The following ADGRA3 variants were observed in gnomAD, a reference collection of about 807,000 sequenced individuals.
ADGRA3 encodes the protein adhesion G protein-coupled receptor A3.
In ADGRA3, 56 loss-of-function variants were observed where a neutral mutation model predicts 119.8. The ratio of observed to expected loss-of-function variants is 0.47; its 90% CI spans 0.38 to 0.58. The LOEUF is 0.58. Ranked by LOEUF, ADGRA3 falls within the 20% of genes least tolerant of loss-of-function variation. The probability of loss-of-function intolerance (pLI) is 0.00; values close to 1 mark genes in which losing one functional copy is unlikely to be tolerated. For missense variants in ADGRA3, 1,516 were observed against 1,649.0 expected, an observed-to-expected ratio of 0.92 and a Z score of 1.40; for synonymous variants, 607 against 623.8, an observed-to-expected ratio of 0.97 and a Z score of 0.40.
At chr4:22,409,239 T>C (rs1715085569) in intron 14 of ADGRA3, among the ~76,000 whole-genome samples, 1 of 152,172 alleles carries the variant, frequency 6.6e-6, no homozygotes, top group Non-Finnish European at 1.5e-5. Flanking sequence ...GTCCCTTTGA[T>C]TATCAATTCC....
chr4:22,408,914 A>G (rs774357211), intron 14 of ADGRA3, among the ~76,000 whole-genome samples: 21 of 152,212 alleles, frequency 1.4e-4, no homozygotes, highest in Non-Finnish European at 2.8e-4. Context: ...GATACAATGG[A>G]CTGCTACACT....
chr4:22,484,863 T>C (rs1242266393), intron 1 of ADGRA3, among the ~76,000 whole-genome samples: 1 of 151,766 alleles, frequency 6.6e-6, no homozygotes, highest in Non-Finnish European at 1.5e-5. Flanking sequence ...CAAAGAATTG[T>C]TTAGGCTGCC....
chr4:22,512,965 T>G (rs1014899535), intron 1 of ADGRA3, among the ~76,000 whole-genome samples: 2 of 152,090 alleles, frequency 1.3e-5, no homozygotes, highest in African/African-American at 2.4e-5. Flanking sequence ...GCATCTGAAC[T>G]GCAGGACAGG....
intron 1 of ADGRA3, among the ~76,000 whole-genome samples, chr4:22,506,002 C>T (rs1382384226): frequency 6.6e-6 from 1 of 152,114 alleles, no homozygotes; most frequent in Non-Finnish European, 1.5e-5. Flanking sequence ...ATCAAGAATG[C>T]AACTGGAGAA....
At chr4:22,451,274 G>C (rs982006035) in intron 4 of ADGRA3, among the ~76,000 whole-genome samples, 5 of 151,958 alleles carry the variant, frequency 3.3e-5, no homozygotes, top group African/African-American at 1.2e-4. Context: ...TGATCATAAA[G>C]AACAATTTGA....
chr4:22,415,214 T>G (rs1287493272), intron 12 of ADGRA3, among the ~76,000 whole-genome samples: 1 of 152,188 alleles, frequency 6.6e-6, no homozygotes, highest in African/African-American at 2.4e-5. Context: ...AATAATCCAC[T>G]GTTTGTGAAA....
chr4:22,439,332 C>G (rs1716518548), intron 7 of ADGRA3, among the ~76,000 whole-genome samples: 1 of 152,080 alleles, frequency 6.6e-6, no homozygotes, highest in African/African-American at 2.4e-5. Context: ...GTCAGTAAAT[C>G]CAATTTCCAA....
intron 9 of ADGRA3, 122 bp downstream of exon 9, chr4:22,436,318 A>C: frequency 1.4e-6 from 1 of 713,742 alleles, no homozygotes; most frequent in Non-Finnish European, 2.3e-6. Flanking sequence ...AAGTCAACTA[A>C]AGTAAAAACA....
At chr4:22,487,004 G>A (rs566581047) in intron 1 of ADGRA3, among the ~76,000 whole-genome samples, 16 of 151,906 alleles carry the variant, frequency 1.1e-4, no homozygotes, top group Admixed American at 2.0e-4. Flanking sequence ...GATAGTGGAC[G>A]TTTTCATTAT....
rs1159226684 is a variant in ADGRA3 at position 22,438,403 on chromosome 4, T to C, written c.938A>G (p.Asn313Ser). Reference sequence around the variant, plus strand: ...ATTTCCAGTAGATCCAGCCTGAATATTAGAAATGGTTAGGGCACTGCATAA... The same window carrying C: ...ATTTCCAGTAGATCCAGCCTGAATACTAGAAATGGTTAGGGCACTGCATAA... ...SLIASALTIS[N>S]IQAGSTGNWG... Residue 313 changes from asparagine (N) to serine (S), a missense_variant, in exon 8 of 19, where the codon AAT becomes AGT. Asn to Ser is a conservative substitution (Grantham distance 46). Coordinates refer to ENST00000334304, the MANE Select transcript of ADGRA3 (RefSeq NM_145290.4). 2 of 1,613,690 alleles carry C rather than the reference T, an allele frequency of 1.2e-6. No individual in the cohort carries two copies. Among genetic ancestry groups the C allele is most frequent in the Non-Finnish European group, 8.5e-7 (1 of 1,179,760 alleles).
chr4:22,435,550 CA>C, intron 9 of ADGRA3, 84 bp from the exon 10 acceptor site: 1 of 1,205,164 alleles, frequency 8.3e-7, no homozygotes, highest in Non-Finnish European at 1.2e-6. Context: ...CTTTGCATTT[CA>C]AAACAGCAAC....
chr4:22,392,064 G>A (rs1714155607), intron 17 of ADGRA3, among the ~76,000 whole-genome samples: 1 of 152,122 alleles, frequency 6.6e-6, no homozygotes. Context: ...CAACAAGCTT[G>A]GTCATCACTG....
intron 5 of ADGRA3, among the ~76,000 whole-genome samples, chr4:22,446,586 G>A (rs1310172458): frequency 6.6e-6 from 1 of 152,110 alleles, no homozygotes; most frequent in African/African-American, 2.4e-5. Flanking sequence ...TGAGGAGCTG[G>A]TTGGGGCTCC....
chr4:22,460,384 C>T (rs1024437950), intron 3 of ADGRA3, among the ~76,000 whole-genome samples: 4 of 152,188 alleles, frequency 2.6e-5, no homozygotes, highest in African/African-American at 7.2e-5. Flanking sequence ...AAAAGCAGGA[C>T]ATAAATTTAC....
intron 1 of ADGRA3, among the ~76,000 whole-genome samples, chr4:22,482,491 TAAAA>T (rs34275951): frequency 1.4e-5 from 2 of 143,480 alleles, no homozygotes; most frequent in African/African-American, 2.6e-5. Context: ...CCCCAACTCT[TAAAA>T]AAAAAAAAAA....
At chr4:22,390,344 CATATTA>C (rs1714068930) in intron 17 of ADGRA3, among the ~76,000 whole-genome samples, 1 of 90,860 alleles carries the variant, frequency 1.1e-5, no homozygotes, top group Non-Finnish European at 2.0e-5. Context: ...ATATAAAATA[CATATTA>C]TATATATATA....
intron 1 of ADGRA3, among the ~76,000 whole-genome samples, chr4:22,509,504 A>G (rs1389279141): frequency 1.3e-5 from 2 of 149,424 alleles, no homozygotes; most frequent in African/African-American, 5.0e-5. Flanking sequence ...CTCCATCTCA[A>G]AAAAAAAGAA....
intron 1 of ADGRA3, among the ~76,000 whole-genome samples, chr4:22,501,920 T>C (rs1307696050): frequency 4.7e-5 from 2 of 42,138 alleles, no homozygotes; most frequent in Non-Finnish European, 8.4e-5. Context: ...AACTCGAATG[T>C]GTAATTTTTT....
intron 9 of ADGRA3, among the ~76,000 whole-genome samples, chr4:22,435,999 C>T (rs113772954): frequency 1.6e-4 from 24 of 152,066 alleles, no homozygotes; most frequent in Non-Finnish European, 2.8e-4. Context: ...AAATACATTA[C>T]ACAAAAGCCA....
Sources: gnomAD v4.1 joint callset for allele counts (sites outside exome capture counted in the v4.1 genomes callset) on GRCh38, gnomAD v4.1.1 for gene constraint, MANE v1.5 for transcripts, NCBI Gene and HGNC (gene_info 2026-07-23, HGNC 2026-07-21) for gene names.